The following KDR variants were observed in gnomAD, a reference collection of about 807,000 sequenced individuals.
The protein encoded by KDR is kinase insert domain receptor, also known as vascular endothelial growth factor receptor 2.
In KDR, 43 loss-of-function variants were observed where a neutral mutation model predicts 160.9. The observed-to-expected ratio is 0.27, with a 90% CI of 0.21 to 0.34. The LOEUF (loss-of-function observed/expected upper bound fraction) is 0.34, where lower values mean the gene tolerates loss of function less well. Ranked by LOEUF, KDR falls within the 10% of genes least tolerant of loss-of-function variation. KDR has a pLI of 1.00. For missense variants in KDR, 1,469 were observed against 1,666.4 expected (o/e 0.88, Z 2.06); for synonymous variants, 617 against 600.1 (o/e 1.03, Z -0.41).
In KDR at chr4:55,080,861, A is replaced by T. The variant is rs551498203; in HGVS notation, c.3849-698T>A. ...TTCAGGATTTACACTTTCACAAGCC[A>T]TTCTAAGGTGTTTTTTCCCGGTAAT... On this transcript the variant is annotated intron_variant, in intron 29 of 29. Transcript: ENST00000263923. 9.8e-5 allele frequency among the ~76,000 whole-genome samples: 15 copies of T among 152,346 alleles called. 1 individual carries two copies. In the South Asian group the frequency reaches 2.9e-3, roughly 29 times the overall value.
At chr4:55,119,580 A>G (rs1720815078) in intron 2 of KDR, among the ~76,000 whole-genome samples, 2 of 152,236 alleles carry the variant, frequency 1.3e-5, no homozygotes, top group Non-Finnish European at 2.9e-5. Context: ...AAAGCTAGCC[A>G]TAGGAACATC....
In KDR at chr4:55,113,343, G is replaced by A. The variant is rs2110030197; in HGVS notation, c.937C>T (p.Leu313=). The change falls in exon 7 of 30, where the codon CTG becomes TTG. Residue 313 remains leucine, a synonymous_variant. Transcript: ENST00000263923. ...GLYTCAASSG[L]MTKKNSTFVR... Reference sequence around the variant, plus strand: ...AATGTGCTGTTCTTCTTGGTCATCAGCCCACTGGATGCTGCACAGGTGTAC... The same window carrying A: ...AATGTGCTGTTCTTCTTGGTCATCAACCCACTGGATGCTGCACAGGTGTAC... 1 of 1,614,048 alleles carries A rather than the reference G, an allele frequency of 6.2e-7. No individual in the cohort carries two copies. Among genetic ancestry groups the A allele is most frequent in the Non-Finnish European group, 8.5e-7 (1 of 1,179,976 alleles).
Position 55,090,028 on chromosome 4 carries a change from G to A in KDR, c.3120C>T (p.Asn1040=), listed in dbSNP as rs774311648. 1.7e-5 allele frequency: 28 copies of A among 1,613,776 alleles called. No individual in the cohort carries two copies. Among genetic ancestry groups the A allele is most frequent in the East Asian group, 6.7e-5 (3 of 44,888 alleles). ...AARNILLSEK[N]VVKICDFGLA... ...AGCCAAAGTCACAGATTTTAACCACGTTCTTCTCCGATAAGAGGATATTTC... is the reference window on the plus strand; with the variant it reads ...AGCCAAAGTCACAGATTTTAACCACATTCTTCTCCGATAAGAGGATATTTC... Residue 1040 remains asparagine (N), a synonymous_variant, in exon 23 of 30, where the codon AAC becomes AAT. Transcript: ENST00000263923.
chr4:55,098,149 G>C lies in KDR; in HGVS notation c.2497C>G (p.Arg833Gly). 1.2e-6 allele frequency: 2 copies of C among 1,613,868 alleles called. No homozygotes were observed. The highest frequency in any genetic ancestry group is 1.7e-6 in the Non-Finnish European group (2 of 1,179,860). Residue 833 changes from arginine (R) to glycine (G), a missense_variant, in exon 17 of 30, where the codon CGG becomes GGG. Physicochemically the swap from Arg to Gly is moderately radical, Grantham distance 125. This residue lies in a region of KDR where 118 missense variants were observed against 110.8 expected (regional missense o/e 1.06). Transcript: ENST00000263923. The stretch of plus-strand genomic sequence containing the variant: ...ATTGAAAATGCACCTAGCTTCAGCC[G>C]GTCTCTGGGGAATTCCCATTTGCTG... Reference protein sequence around the residue: ...DASKWEFPRDRLKLGKPLGRG... With the variant: ...DASKWEFPRDGLKLGKPLGRG...
intron 1 of KDR, among the ~76,000 whole-genome samples, chr4:55,124,657 A>G (rs916350729): frequency 6.7e-6 from 1 of 149,844 alleles, no homozygotes. Flanking sequence ...GTCCTGCACC[A>G]AGGAAGGAAA....
intron 3 of KDR, 80 bp downstream of exon 3, chr4:55,118,524 G>T: frequency 9.1e-7 from 1 of 1,094,960 alleles, no homozygotes; most frequent in South Asian, 1.3e-5. Context: ...GCCCTTTGTT[G>T]TACTCAATTC....
At chr4:55,083,370 C>T (rs1036609102) in intron 27 of KDR, among the ~76,000 whole-genome samples, 1 of 152,158 alleles carries the variant, frequency 6.6e-6, no homozygotes, top group Non-Finnish European at 1.5e-5. Flanking sequence ...CAGTAGCACT[C>T]CCTCCCCAGC....
chr4:55,115,540 T>G (rs533540239), intron 3 of KDR, 129 bp from the exon 4 acceptor site: 1 of 644,820 alleles, frequency 1.6e-6, no homozygotes, highest in African/African-American at 1.8e-5. Context: ...ACCAAAGGCA[T>G]CCACAGATTA....
At chr4:55,113,201 A>G (rs1578138282) in intron 7 of KDR, 103 bp downstream of exon 7, 3 of 1,287,246 alleles carry the variant, frequency 2.3e-6, no homozygotes, top group African/African-American at 1.5e-5. Flanking sequence ...AAAACTAGAA[A>G]CTATCTTCTG....
At chr4:55,105,248 T>G (rs1720417293) in intron 12 of KDR, among the ~76,000 whole-genome samples, 1 of 152,206 alleles carries the variant, frequency 6.6e-6, no homozygotes, top group Admixed American at 6.5e-5. Flanking sequence ...GTTTAATATA[T>G]TAAAAATCCA....
At position 55,113,496 on chromosome 4, in the gene KDR, T is replaced by A; in HGVS notation, c.799-15A>T. 1 of 1,612,904 alleles carries A rather than the reference T, an allele frequency of 6.2e-7. No individual in the cohort carries two copies. The highest frequency in any genetic ancestry group is 1.1e-5 in the South Asian group (1 of 91,060). ...TTATGCTGATGCTGAAAAAAAGAGT[T>A]GACTGAACTTCCAAAGCACAGCATA... On this transcript the variant is annotated splice_polypyrimidine_tract_variant and intron_variant, in intron 6 of 29. Transcript: ENST00000263923.
At chr4:55,099,412 A>G (rs758977368) in intron 15 of KDR, among the ~76,000 whole-genome samples, 28 of 152,248 alleles carry the variant, frequency 1.8e-4, no homozygotes, top group Non-Finnish European at 2.2e-4. Flanking sequence ...GCATAGAAGT[A>G]GTAATGTCTT....
At position 55,125,393 on chromosome 4, in the gene KDR, C is replaced by G. The variant is rs972646515; in HGVS notation, c.-100G>C. On this transcript the variant is annotated 5_prime_UTR_variant, in exon 1 of 30. Transcript: ENST00000263923. ...AGGCGCGGAGGTGGAACTCGCGGCA[C>G]CCCGCAGCGCAGGACAGTTGAGCGC... The G allele has an allele frequency of 7.0e-7, 1 of 1,420,368 alleles. No homozygotes were observed. Among genetic ancestry groups the G allele is most frequent in the Admixed American group, 2.0e-5 (1 of 50,868 alleles). The allele number at this position is 1,420,368 out of a possible 1,614,324, so 88.0% of individuals were successfully genotyped here.
chr4:55,123,598 A>G (rs995559664), intron 1 of KDR, among the ~76,000 whole-genome samples: 21 of 152,152 alleles, frequency 1.4e-4, no homozygotes, highest in Non-Finnish European at 2.2e-4. Flanking sequence ...AGACCAACAT[A>G]GTTTTTTGTT....
In KDR at chr4:55,125,237, G is replaced by C; in HGVS notation, c.57C>G (p.Ala19=). ...GAGTGGGCTCCTTACCCACAGAGGC[G>C]GCCCGGGTCTCCACGCAGAGCCACA... ...VALWLCVETR[A]ASVGLPSVSL... Residue 19 remains alanine (A), a synonymous_variant, in exon 1 of 30, where the codon GCC becomes GCG. Transcript: ENST00000263923. 2.5e-6 allele frequency: 4 copies of C among 1,612,706 alleles called. No homozygotes were observed. The highest frequency in any genetic ancestry group is 3.4e-6 in the Non-Finnish European group (4 of 1,179,654).
At position 55,107,828 on chromosome 4, in the gene KDR, G is replaced by C. The variant is rs2110025364; in HGVS notation, c.1321C>G (p.Gln441Glu). The C allele has an allele frequency of 6.2e-7, 1 of 1,613,940 alleles. No homozygotes were observed. Among genetic ancestry groups the C allele is most frequent in the Non-Finnish European group, 8.5e-7 (1 of 1,179,914 alleles). The change falls in exon 10 of 30, where the codon CAA becomes GAA. Residue 441 changes from glutamine (Q) to glutamate (E), a missense_variant. Around this residue, in one of 7 missense-constraint regions of KDR, gnomAD observed 792 missense variants for 840.9 expected, o/e 0.94. Transcript: ENST00000263923. ...PVDSYQYGTTQTLTCTVYAIP... is the reference protein window; with the variant it reads ...PVDSYQYGTTETLTCTVYAIP... ...GCATAGACCGTACATGTCAGCGTTT[G>C]AGTGGTGCCGTACTGGTAGGAATCC...
intron 13 of KDR, among the ~76,000 whole-genome samples, chr4:55,103,898 C>A (rs1186753222): frequency 6.6e-6 from 1 of 151,952 alleles, no homozygotes; most frequent in Non-Finnish European, 1.5e-5. Context: ...TTCCCACAGA[C>A]AAAGCCATGG....
chr4:55,125,386 C>CGCG lies in KDR; in HGVS notation c.-96_-94dup. ...GAGAAGGAGGCGCGGAGGTGGAACT[C>CGCG]GCGGCACCCCGCAGCGCAGGACAGT... On this transcript the variant is annotated 5_prime_UTR_variant, in exon 1 of 30. Coordinates refer to ENST00000263923, the MANE Select transcript of KDR (RefSeq NM_002253.4). 1 of 1,442,250 alleles carries CGCG rather than the reference C, an allele frequency of 6.9e-7. No homozygotes were observed. 89.3% of individuals were successfully genotyped at this position (1,442,250 alleles called of 1,614,324 possible).
intron 15 of KDR, among the ~76,000 whole-genome samples, chr4:55,101,122 C>T (rs1301304821): frequency 6.6e-6 from 1 of 152,174 alleles, no homozygotes; most frequent in Admixed American, 6.5e-5. Context: ...TTGTGACTAT[C>T]TGGATAGCAT....
Sources: allele counts gnomAD v4.1 joint callset (sites outside exome capture counted in the v4.1 genomes callset), GRCh38; gene constraint gnomAD v4.1.1; regional missense constraint gnomAD v4.1.1; transcripts MANE v1.5; gene names NCBI Gene and HGNC (gene_info 2026-07-23, HGNC 2026-07-21).